MPRIP: variants seen among roughly 807,000 people sequenced by gnomAD.
MPRIP encodes the protein myosin phosphatase Rho interacting protein.
A neutral mutation model predicts 234.9 loss-of-function variants in MPRIP; 59 were observed. The ratio of observed to expected loss-of-function variants is 0.25; its 90% confidence interval spans 0.20 to 0.31. MPRIP has a LOEUF of 0.31. Ranked by LOEUF, MPRIP falls within the 10% of genes least tolerant of loss-of-function variation. MPRIP has a pLI of 1.00. For synonymous variants in MPRIP, 1,144 were observed against 1,263.9 expected (o/e 0.91, Z 2.01); for missense variants, 2,436 against 3,071.0 (o/e 0.79, Z 4.89).
intron 5 of MPRIP, among the ~76,000 whole-genome samples, chr17:17,133,292 A>G (rs1282243010): frequency 1.3e-5 from 2 of 152,186 alleles, no homozygotes; most frequent in Non-Finnish European, 2.9e-5. Flanking sequence ...TCCCGAGAGC[A>G]TCCCATTTGA....
At position 17,187,213 on chromosome 17, in the gene MPRIP, T is replaced by C. The variant is rs1157458856; in HGVS notation, c.*2319T>C. On this transcript the variant is annotated 3_prime_UTR_variant, in exon 24 of 24. Transcript: ENST00000651222. Reference sequence around the variant, plus strand: ...CAAAAGAGCATTTGATTCCCTTTTTTCTGTCACATATCCCTTGAGGCTGGA... The same window carrying C: ...CAAAAGAGCATTTGATTCCCTTTTTCCTGTCACATATCCCTTGAGGCTGGA... The C allele has an allele frequency of 5.3e-5, 8 of 152,274 alleles. No homozygotes were observed. The highest frequency in any genetic ancestry group is 3.9e-4 in the Admixed American group (6 of 15,284). The allele number at this position is 152,274 out of a possible 1,614,324, so 9.4% of individuals were successfully genotyped here.
intron 4 of MPRIP, among the ~76,000 whole-genome samples, chr17:17,129,669 G>A (rs1259953493): frequency 1.3e-5 from 2 of 150,918 alleles, no homozygotes; most frequent in South Asian, 4.1e-4. Context: ...GAGCACCTGC[G>A]GTGCAGCCTT....
intron 1 of MPRIP, chr17:17,057,493 T>C (rs2088736845): frequency 3.0e-6 from 2 of 668,862 alleles, no homozygotes; most frequent in Non-Finnish European, 5.5e-6. Flanking sequence ...GCCTTCCCAG[T>C]GCTAGGTGCT....
chr17:17,165,156 A>G lies in MPRIP; in HGVS notation c.3565A>G (p.Asn1189Asp), dbSNP rs1397631837. The change falls in exon 16 of 24, where the codon AAT becomes GAT. Residue 1189 changes from asparagine (N) to aspartate (D), a missense_variant. Physicochemically the swap from Asn to Asp is conservative, Grantham distance 23 (BLOSUM62 1). This residue lies in a region of MPRIP where 1,998 missense variants were observed against 2,520.3 expected (regional missense o/e 0.79). Transcript: ENST00000651222. ...TCTGGAGAAGAAGGAGCAGGACCTC[A>G]ATGAGGCTTTGGTTAAAATGGTTGC... ...KVLEKKEQDL[N>D]EALVKMVALG... is the part of the protein sequence containing the mutation. The G allele has an allele frequency of 7.7e-7, 1 of 1,304,116 alleles. No homozygotes were observed. Among genetic ancestry groups the G allele is most frequent in the African/African-American group, 1.5e-5 (1 of 65,880 alleles). The allele number at this position is 1,304,116 out of a possible 1,614,324, so 80.8% of individuals were successfully genotyped here.
intron 17 of MPRIP, 152 bp from the exon 18 acceptor site, chr17:17,172,546 G>A (rs1434773681): frequency 3.3e-6 from 2 of 607,454 alleles, no homozygotes; most frequent in Non-Finnish European, 2.9e-6. Context: ...GTTCATGAGG[G>A]GCCAGCCTGT....
intron 3 of MPRIP, among the ~76,000 whole-genome samples, chr17:17,100,677 A>G (rs1185592955): frequency 6.6e-6 from 1 of 151,870 alleles, no homozygotes; most frequent in Non-Finnish European, 1.5e-5. Flanking sequence ...ATGCCTGATG[A>G]TCTGTTACTG....
chr17:17,171,911 T>C (rs1334419516), intron 17 of MPRIP, 46 bp downstream of exon 17: 1 of 1,579,132 alleles, frequency 6.3e-7, no homozygotes. Flanking sequence ...TGGCCAGCTT[T>C]TTTTGAGCTA....
At chr17:17,087,688 C>G (rs572648804) in intron 3 of MPRIP, among the ~76,000 whole-genome samples, 1 of 152,242 alleles carries the variant, frequency 6.6e-6, no homozygotes, top group Non-Finnish European at 1.5e-5. Context: ...GGACGGTGAG[C>G]GCCTCTAGGC....
At chr17:17,161,104 A>G (rs2045853612) in intron 14 of MPRIP, 136 bp from the exon 15 acceptor site, 2 of 570,088 alleles carry the variant, frequency 3.5e-6, no homozygotes, top group African/African-American at 1.9e-5. Flanking sequence ...TAAAGGCCAT[A>G]TCAGCACATC....
chr17:17,128,063 C>T (rs1001976377), intron 4 of MPRIP, among the ~76,000 whole-genome samples: 1 of 152,330 alleles, frequency 6.6e-6, no homozygotes, highest in Admixed American at 6.5e-5. Context: ...ATGTCAAGGG[C>T]CTCTGAAGAA....
At chr17:17,156,175 A>T (rs913177058) in intron 13 of MPRIP, among the ~76,000 whole-genome samples, 7 of 152,250 alleles carry the variant, frequency 4.6e-5, no homozygotes, top group African/African-American at 1.7e-4. Context: ...GTCCCAGGGC[A>T]GATGTCAGGA....
intron 3 of MPRIP, among the ~76,000 whole-genome samples, chr17:17,113,865 ATTTTC>A (rs796825940): frequency 0.023 from 2,900 of 126,354 alleles, 73 homozygotes; most frequent in East Asian, 0.097. Flanking sequence ...TGTGATTTGC[ATTTTC>A]TTTTCTTTTC....
rs2089383717 is a variant in MPRIP, at chr17:17,078,324, T to C, written c.267+248T>C. On this transcript the variant is annotated intron_variant, in intron 3 of 23. Coordinates refer to ENST00000651222, the MANE Select transcript of MPRIP (RefSeq NM_001364716.4). This position sits in a 1 kb window ranked among gnomAD's most constrained non-coding sequence, Gnocchi z 4.3. ...AAGAAGTGAGGGAGGAAGTCATTTC[T>C]GTTGAAGGCTAATAGTGTGGACTTC... Among the ~76,000 whole-genome samples, 1 of 152,222 alleles carries C rather than the reference T, an allele frequency of 6.6e-6. No individual in the cohort carries two copies. The highest frequency in any genetic ancestry group is 2.1e-4 in the South Asian group (1 of 4,832).
rs949894180 is a variant in MPRIP at position 17,188,685 on chromosome 17, G to T, written c.*3791G>T. The T allele has an allele frequency of 6.6e-6, 1 of 152,192 alleles. No individual in the cohort carries two copies. Among genetic ancestry groups the T allele is most frequent in the Non-Finnish European group, 1.5e-5 (1 of 68,024 alleles). 9.4% of individuals were successfully genotyped at this position (152,192 alleles called of 1,614,324 possible). On this transcript the variant is annotated 3_prime_UTR_variant, in exon 24 of 24. Transcript: ENST00000651222. Reference sequence around the variant, plus strand: ...AGGTAGATGGGACTCTTAACTTTTGGGTACATGGAAACATGCTGAAAACTG... The same window carrying T: ...AGGTAGATGGGACTCTTAACTTTTGTGTACATGGAAACATGCTGAAAACTG...
chr17:17,099,529 C>G (rs1324826809), intron 3 of MPRIP, among the ~76,000 whole-genome samples: 4 of 152,272 alleles, frequency 2.6e-5, no homozygotes, highest in African/African-American at 7.2e-5. Flanking sequence ...AGTTCAAGAC[C>G]AGCCTGGGCA....
chr17:17,091,303 C>T (rs1029982513), intron 3 of MPRIP, among the ~76,000 whole-genome samples: 1 of 152,062 alleles, frequency 6.6e-6, no homozygotes, highest in African/African-American at 2.4e-5. Flanking sequence ...TCTTTGGGGA[C>T]ATCATCTAGT....
chr17:17,075,423 G>T (rs2089304709), intron 1 of MPRIP, among the ~76,000 whole-genome samples: 1 of 152,068 alleles, frequency 6.6e-6, no homozygotes, highest in Admixed American at 6.5e-5. Flanking sequence ...TGATCTTGGT[G>T]GCTTGATCAG....
At chr17:17,080,992 C>A (rs1390439365) in intron 3 of MPRIP, among the ~76,000 whole-genome samples, 1 of 152,138 alleles carries the variant, frequency 6.6e-6, no homozygotes, top group African/African-American at 2.4e-5. Flanking sequence ...GTGGCACTCC[C>A]TACGTGGTGC....
chr17:17,061,263 C>G (rs890029442), intron 1 of MPRIP, among the ~76,000 whole-genome samples: 1 of 152,188 alleles, frequency 6.6e-6, no homozygotes, highest in Non-Finnish European at 1.5e-5. Context: ...ATCAGAATGT[C>G]CCAGAAAAGA....
Sources: allele counts gnomAD v4.1 joint callset (sites outside exome capture counted in the v4.1 genomes callset), GRCh38; gene constraint gnomAD v4.1.1; regional missense constraint gnomAD v4.1.1; non-coding constraint Gnocchi (gnomAD v3.1); transcripts MANE v1.5; gene names NCBI Gene and HGNC (gene_info 2026-07-23, HGNC 2026-07-21).